NDUFAF7: variants seen among roughly 807,000 people sequenced by gnomAD.
NDUFAF7 encodes the protein NADH:ubiquinone oxidoreductase complex assembly factor 7.
A neutral mutation model predicts 47.2 loss-of-function variants in NDUFAF7; 48 were observed. The ratio of observed to expected loss-of-function variants is 1.02; its 90% CI spans 0.81 to 1.29. The LOEUF (loss-of-function observed/expected upper bound fraction) is 1.29, where lower values mean the gene tolerates loss of function less well. Ranked by LOEUF, NDUFAF7 falls within the 50% of genes most tolerant of loss-of-function variation. NDUFAF7 has a pLI of 0.00. For synonymous variants in NDUFAF7, 217 were observed against 190.0 expected (o/e 1.14, Z -1.17); for missense variants, 635 against 537.6 (o/e 1.18, Z -1.79).
chr2:37,247,366 A>G, intron 8 of NDUFAF7, 90 bp from the exon 9 acceptor site: 2 of 1,440,900 alleles, frequency 1.4e-6, no homozygotes, highest in Non-Finnish European at 1.9e-6. Flanking sequence ...CTCAAGCATT[A>G]ATGTAAATAT....
downstream of NDUFAF7, chr2:37,253,001 T>C (rs1005666513): frequency 1.2e-5 from 6 of 513,496 alleles, no homozygotes; most frequent in Middle Eastern, 1.1e-3. Context: ...CTTCTTATTA[T>C]TCAGTTTCCC....
At chr2:37,253,634 A>G (rs1667695837), downstream of NDUFAF7, among the ~76,000 whole-genome samples, 1 of 152,184 alleles carries the variant, frequency 6.6e-6, no homozygotes, top group Non-Finnish European at 1.5e-5. Flanking sequence ...ATAATCACTA[A>G]AACATTTTGT....
At chr2:37,240,404 A>G (rs1032069312) in intron 4 of NDUFAF7, among the ~76,000 whole-genome samples, 7 of 151,078 alleles carry the variant, frequency 4.6e-5, no homozygotes, top group African/African-American at 1.7e-4. Flanking sequence ...CCCTGTCTCA[A>G]AAAAAAAACC....
chr2:37,232,047 C>T (rs1385225124), intron 1 of NDUFAF7, 59 bp from the exon 2 acceptor site: 1 of 1,613,314 alleles, frequency 6.2e-7, no homozygotes, highest in African/African-American at 1.3e-5. Context: ...GCTCAGGCGG[C>T]TTGCGCTCGT....
the NDUFAF7 span, among the ~76,000 whole-genome samples, chr2:37,269,909 GA>G: frequency 5.9e-4 from 90 of 152,148 alleles, no homozygotes; most frequent in East Asian, 0.011. Flanking sequence ...AGACTTTCAG[GA>G]AAAAAATGCT....
At chr2:37,265,557 T>C in the NDUFAF7 span, among the ~76,000 whole-genome samples, 1 of 152,132 alleles carries the variant, frequency 6.6e-6, no homozygotes, top group East Asian at 1.9e-4. Context: ...AGAAAGTGCA[T>C]ATGGTTTGCA....
At chr2:37,268,538 AAGGGTAATAGAT>A in the NDUFAF7 span, 1 of 337,774 alleles carries the variant, frequency 3.0e-6, no homozygotes, top group Non-Finnish European at 5.8e-6. Context: ...TGTAAACCCA[AAGGGTAATAGAT>A]ATTGTGAGAG....
chr2:37,241,776 C>G lies in NDUFAF7; in HGVS notation c.607C>G (p.His203Asp). The G allele has an allele frequency of 6.2e-7, 1 of 1,613,420 alleles. No homozygotes were observed. The highest frequency in any genetic ancestry group is 8.5e-7 in the Non-Finnish European group (1 of 1,179,850). Residue 203 changes from histidine to aspartate, a missense_variant, in exon 5 of 10, where the codon CAC becomes GAC. Coordinates refer to ENST00000002125, the MANE Select transcript of NDUFAF7 (RefSeq NM_144736.5). Reference sequence around the variant, plus strand: ...TCCAATTTCCTGGTACCGAGATCTGCACGATGTTCCAAAAGGTAATTACCT... The same window carrying G: ...TCCAATTTCCTGGTACCGAGATCTGGACGATGTTCCAAAAGGTAATTACCT... ...GIPISWYRDLHDVPKGYSFYL... is the reference protein window; with the variant it reads ...GIPISWYRDLDDVPKGYSFYL...
intron 1 of NDUFAF7, 157 bp downstream of exon 1, chr2:37,231,917 T>G (rs1254236241): frequency 6.3e-7 from 1 of 1,590,236 alleles, no homozygotes; most frequent in Non-Finnish European, 8.5e-7. Flanking sequence ...ACAAACGCAA[T>G]AGGGCTGCGT....
downstream of NDUFAF7, among the ~76,000 whole-genome samples, chr2:37,257,204 A>AT (rs753384593): frequency 6.6e-6 from 1 of 152,188 alleles, no homozygotes; most frequent in Non-Finnish European, 1.5e-5. Context: ...GACTGGTGTT[A>AT]TAAGTGTTCT....
At chr2:37,250,873 CA>C (rs1205895132), downstream of NDUFAF7, 2 of 152,574 alleles carry the variant, frequency 1.3e-5, no homozygotes, top group Admixed American at 6.5e-5. Flanking sequence ...GACTTAAAGA[CA>C]AAAAGTTATG....
At chr2:37,245,401 T>G (rs1435657731) in intron 7 of NDUFAF7, among the ~76,000 whole-genome samples, 1 of 152,226 alleles carries the variant, frequency 6.6e-6, no homozygotes, top group Non-Finnish European at 1.5e-5. Flanking sequence ...TTGACAAGTG[T>G]TAATACTTAG....
chr2:37,265,821 GA>G, the NDUFAF7 span, among the ~76,000 whole-genome samples: 1 of 152,084 alleles, frequency 6.6e-6, no homozygotes, highest in Non-Finnish European at 1.5e-5. Context: ...ATATAATAAT[GA>G]AGTTTTTCAT....
chr2:37,253,232 T>C (rs1469938925), downstream of NDUFAF7: 2 of 1,612,526 alleles, frequency 1.2e-6, no homozygotes, highest in Middle Eastern at 1.7e-4. Flanking sequence ...GTGCTTTGGG[T>C]ATACAAGGTT....
downstream of NDUFAF7, chr2:37,252,791 T>G (rs539051125): frequency 6.6e-6 from 1 of 150,994 alleles, no homozygotes; most frequent in Admixed American, 6.6e-5. Context: ...ATATAGTAAC[T>G]GGATGCTAGC....
In NDUFAF7 at chr2:37,247,436, C is replaced by G. The variant is rs201503887; in HGVS notation, c.937-20C>G. 6.2e-7 allele frequency: 1 copy of G among 1,613,770 alleles called. No individual in the cohort carries two copies. The highest frequency in any genetic ancestry group is 1.3e-5 in the African/African-American group (1 of 74,988). On this transcript the variant is annotated intron_variant, in intron 8 of 9. Coordinates refer to ENST00000002125, the MANE Select transcript of NDUFAF7 (RefSeq NM_144736.5). ...TTAATAACCATAAAAGGGCAAAAATCTGATTTCTTTATGTTCAAGGGGTTT... is the reference window on the plus strand; with the variant it reads ...TTAATAACCATAAAAGGGCAAAAATGTGATTTCTTTATGTTCAAGGGGTTT...
At chr2:37,252,527 G>C (rs965916393), downstream of NDUFAF7, 1 of 152,140 alleles carries the variant, frequency 6.6e-6, no homozygotes, top group Admixed American at 6.6e-5. Flanking sequence ...AACATATTCA[G>C]AGTAGCAGAG....
At position 37,245,028 on chromosome 2, in the gene NDUFAF7, A is replaced by G. The variant is rs190502214; in HGVS notation, c.793-1024A>G. Reference sequence around the variant, plus strand: ...GTCAGCATGATCAGCGTGTCCACTGATGCCTGATGAGGCTGACTTCATGGT... The same window carrying G: ...GTCAGCATGATCAGCGTGTCCACTGGTGCCTGATGAGGCTGACTTCATGGT... On this transcript the variant is annotated intron_variant, in intron 7 of 9. Coordinates refer to ENST00000002125, the MANE Select transcript of NDUFAF7 (RefSeq NM_144736.5). Among the ~76,000 whole-genome samples, 161 of 152,336 alleles carry G rather than the reference A, an allele frequency of 1.1e-3. 1 individual carries two copies. The highest frequency in any genetic ancestry group is 3.6e-3 in the African/African-American group (150 of 41,584).
downstream of NDUFAF7, chr2:37,252,783 A>G (rs928200562): frequency 6.6e-6 from 1 of 151,466 alleles, no homozygotes; most frequent in African/African-American, 2.4e-5. Context: ...GCCAAGCTAT[A>G]TAGTAACTGG....
Sources: allele counts gnomAD v4.1 joint callset (sites outside exome capture counted in the v4.1 genomes callset), GRCh38; gene constraint gnomAD v4.1.1; transcripts MANE v1.5; gene names NCBI Gene and HGNC (gene_info 2026-07-23, HGNC 2026-07-21).